DOCK1: variants seen among roughly 807,000 people sequenced by gnomAD.
DOCK1 encodes the protein dedicator of cytokinesis 1, also known as dedicator of cytokinesis protein 1.
Under a neutral mutation model 262.7 loss-of-function variants are expected in DOCK1, and 138 were observed. The observed-to-expected ratio is 0.53, with a 90% CI of 0.46 to 0.61. DOCK1 has a LOEUF of 0.61. Among genes scored for constraint, DOCK1 ranks in the 20% least tolerant of loss-of-function variants. The pLI is 0.00. For synonymous variants in DOCK1, 866 were observed against 867.4 expected, an observed-to-expected ratio of 1.00 and a Z score of 0.03; for missense variants, 1,908 against 2,370.7, an observed-to-expected ratio of 0.80 and a Z score of 4.05.
intron 31 of DOCK1, among the ~76,000 whole-genome samples, chr10:127,350,248 G>A (rs11017471): frequency 0.05 from 6,496 of 129,738 alleles, 186 homozygotes; most frequent in Non-Finnish European, 0.068. Context: ...AAAAAAAAGT[G>A]GCGGCAGCGG....
intron 27 of DOCK1, among the ~76,000 whole-genome samples, chr10:127,216,547 A>G (rs1175959365): frequency 3.9e-5 from 6 of 152,244 alleles, no homozygotes; most frequent in Middle Eastern, 3.4e-3. Flanking sequence ...TGGGCTGGGC[A>G]ACCTCACCTT....
chr10:127,061,592 C>T, intron 22 of DOCK1, 76 bp from the exon 23 acceptor site: 1 of 1,238,684 alleles, frequency 8.1e-7, no homozygotes, highest in Non-Finnish European at 1.2e-6. Context: ...TGATTCCCTT[C>T]ATGGCTATAG....
chr10:127,258,594 TGCCACCA>T (rs1413120811), intron 29 of DOCK1, among the ~76,000 whole-genome samples: 1 of 152,248 alleles, frequency 6.6e-6, no homozygotes, highest in African/African-American at 2.4e-5. Flanking sequence ...CGAATAAAGC[TGCCACCA>T]GCCTTCGTGC....
At chr10:127,236,788 A>G (rs1188015930) in intron 27 of DOCK1, among the ~76,000 whole-genome samples, 2 of 152,022 alleles carry the variant, frequency 1.3e-5, no homozygotes, top group African/African-American at 2.4e-5. Context: ...CATCACCATC[A>G]TCATCACCAC....
intron 45 of DOCK1, 113 bp downstream of exon 45, chr10:127,418,654 G>T: frequency 7.5e-7 from 1 of 1,330,508 alleles, no homozygotes; most frequent in Non-Finnish European, 1.0e-6. Context: ...AGCAATCTCA[G>T]CAGTGGCCCA....
At chr10:127,281,697 C>T (rs1016779850) in intron 29 of DOCK1, among the ~76,000 whole-genome samples, 14 of 152,266 alleles carry the variant, frequency 9.2e-5, no homozygotes, top group African/African-American at 2.9e-4. Flanking sequence ...GCAGAAGACA[C>T]GCAGGGTTGA....
chr10:127,150,518 G>A (rs750123375), intron 27 of DOCK1, among the ~76,000 whole-genome samples: 1 of 152,204 alleles, frequency 6.6e-6, no homozygotes, highest in Non-Finnish European at 1.5e-5. Flanking sequence ...CATAAGTGGT[G>A]CACCCATGAT....
At chr10:127,335,641 G>A (rs1488391711) in intron 29 of DOCK1, among the ~76,000 whole-genome samples, 5 of 150,348 alleles carry the variant, frequency 3.3e-5, no homozygotes, top group African/African-American at 7.4e-5. Context: ...TCTGCCTCCC[G>A]GGTTCCAGTG....
chr10:127,015,345 GC>G (rs1465407427), intron 12 of DOCK1, among the ~76,000 whole-genome samples: 2 of 151,712 alleles, frequency 1.3e-5, no homozygotes, highest in African/African-American at 2.4e-5. Flanking sequence ...CTCCCTGAGC[GC>G]CCCCGCCCCC....
intron 1 of DOCK1, among the ~76,000 whole-genome samples, chr10:126,915,569 C>G (rs9423012): frequency 0.23 from 34,441 of 152,026 alleles, 4,470 homozygotes; most frequent in East Asian, 0.44. Flanking sequence ...CAGGTGTGCA[C>G]CACCGCATCT....
At chr10:127,185,643 AC>A (rs1736503944) in intron 27 of DOCK1, among the ~76,000 whole-genome samples, 1 of 152,232 alleles carries the variant, frequency 6.6e-6, no homozygotes, top group Non-Finnish European at 1.5e-5. Context: ...ATTAGGTAGA[AC>A]CTGGCTGTAT....
intron 31 of DOCK1, among the ~76,000 whole-genome samples, chr10:127,354,110 C>CT (rs2064019496): frequency 6.6e-6 from 1 of 152,194 alleles, no homozygotes; most frequent in African/African-American, 2.4e-5. Context: ...CACACCTCCT[C>CT]TATGCACCCA....
chr10:127,397,532 T>C (rs556743277), intron 38 of DOCK1, among the ~76,000 whole-genome samples: 529 of 139,640 alleles, frequency 3.8e-3, no homozygotes, highest in Non-Finnish European at 5.6e-3. Context: ...ACACGGGCGG[T>C]GTCTCCTATG....
chr10:127,303,107 T>C (rs2061746463), intron 29 of DOCK1, among the ~76,000 whole-genome samples: 1 of 152,120 alleles, frequency 6.6e-6, no homozygotes, highest in Admixed American at 6.5e-5. Flanking sequence ...GCAATAGGTG[T>C]CAAGATTCCA....
intron 27 of DOCK1, among the ~76,000 whole-genome samples, chr10:127,243,323 G>A (rs1049515929): frequency 4.6e-5 from 7 of 152,088 alleles, no homozygotes; most frequent in Admixed American, 2.6e-4. Flanking sequence ...CTGTGCTTTT[G>A]TTAGCCTTTT....
At chr10:127,381,241 G>C in intron 36 of DOCK1, 37 bp from the exon 37 acceptor site, 2 of 1,555,392 alleles carry the variant, frequency 1.3e-6, no homozygotes, top group South Asian at 1.2e-5. Flanking sequence ...ATTATTTAGT[G>C]ACATTTTAAG....
At chr10:127,173,525 T>G (rs2054778495) in intron 27 of DOCK1, among the ~76,000 whole-genome samples, 1 of 152,210 alleles carries the variant, frequency 6.6e-6, no homozygotes, top group South Asian at 2.1e-4. Flanking sequence ...GGTTCTTCTT[T>G]GGGCACACAC....
chr10:127,431,969 G>A (rs2069321814), intron 47 of DOCK1, among the ~76,000 whole-genome samples: 1 of 152,154 alleles, frequency 6.6e-6, no homozygotes, highest in Admixed American at 6.5e-5. Context: ...TATCAGATCA[G>A]TGGCAGCATT....
chr10:127,195,744 A>G (rs988591871), intron 27 of DOCK1, among the ~76,000 whole-genome samples: 1 of 152,038 alleles, frequency 6.6e-6, no homozygotes, highest in Non-Finnish European at 1.5e-5. Flanking sequence ...AAGTTGCCAG[A>G]CGCCCCTCAG....
Sources: gnomAD v4.1 joint callset for allele counts (sites outside exome capture counted in the v4.1 genomes callset) on GRCh38, gnomAD v4.1.1 for gene constraint, MANE v1.5 for transcripts, NCBI Gene and HGNC (gene_info 2026-07-23, HGNC 2026-07-21) for gene names.